The following NIN variants were observed in gnomAD, a reference collection of about 807,000 sequenced individuals.
The protein encoded by NIN is glycogen synthase kinase 3 beta-interacting protein.
NIN carries 137 observed loss-of-function variants against 257.6 expected under a neutral mutation model. The ratio of observed to expected loss-of-function variants is 0.53; its 90% CI spans 0.46 to 0.61. The LOEUF is 0.61. Among genes scored for constraint, NIN ranks in the 20% least tolerant of loss-of-function variants. The pLI, the probability that NIN is intolerant of heterozygous loss-of-function variation, is 0.00. For missense variants in NIN, 2,439 were observed against 2,501.2 expected, an observed-to-expected ratio of 0.98 and a Z score of 0.53; for synonymous variants, 918 against 919.8, an observed-to-expected ratio of 1.00 and a Z score of 0.04.
chr14:50,763,835 G>A lies in NIN; in HGVS notation c.1765C>T (p.Pro589Ser), dbSNP rs1379149029. The A allele has an allele frequency of 4.3e-6, 7 of 1,613,886 alleles. No homozygotes were observed. The highest frequency in any genetic ancestry group is 5.9e-6 in the Non-Finnish European group (7 of 1,179,852). Reference sequence around the variant, plus strand: ...GTCCGAATGTGTTTACCGTGTTCGGGCTCAATGCCACCGCTGTTAGCCTCA... The same window carrying A: ...GTCCGAATGTGTTTACCGTGTTCGGACTCAATGCCACCGCTGTTAGCCTCA... Reference protein sequence around the residue: ...EVEANSGGIEPEHGLGSEECN... With the variant: ...EVEANSGGIESEHGLGSEECN... Residue 589 changes from proline to serine, a missense_variant, in exon 15 of 31, where the codon CCC becomes TCC. Transcript: ENST00000530997.
intron 21 of NIN, 104 bp downstream of exon 21, chr14:50,752,414 G>C (rs1196069555): frequency 8.1e-6 from 7 of 861,890 alleles, no homozygotes; most frequent in Non-Finnish European, 1.1e-5. Context: ...GGACCATACT[G>C]TTTTAATTAC....
intron 5 of NIN, among the ~76,000 whole-genome samples, chr14:50,788,988 T>C (rs1330838746): frequency 6.6e-6 from 1 of 152,082 alleles, no homozygotes; most frequent in Non-Finnish European, 1.5e-5. Context: ...CAGGGGAAAC[T>C]GAAGTCCAAA....
intron 5 of NIN, among the ~76,000 whole-genome samples, chr14:50,782,372 C>A (rs984079341): frequency 6.6e-6 from 1 of 151,920 alleles, no homozygotes; most frequent in African/African-American, 2.4e-5. Context: ...GTATTGAAAA[C>A]AATTTAAATA....
intron 20 of NIN, among the ~76,000 whole-genome samples, chr14:50,753,632 T>G (rs1340243015): frequency 6.6e-6 from 1 of 152,240 alleles, no homozygotes; most frequent in Non-Finnish European, 1.5e-5. Flanking sequence ...GAAGTAGGAT[T>G]GCTGGGTTAG....
chr14:50,739,054 A>T (rs1049094410), intron 26 of NIN, among the ~76,000 whole-genome samples: 6 of 152,200 alleles, frequency 3.9e-5, no homozygotes, highest in African/African-American at 1.4e-4. Flanking sequence ...AATTTCCATG[A>T]GTCTATATTT....
At chr14:50,793,239 CAA>C (rs747039802) in intron 4 of NIN, among the ~76,000 whole-genome samples, 2 of 152,092 alleles carry the variant, frequency 1.3e-5, no homozygotes, top group East Asian at 1.9e-4. Context: ...ATCATATTAA[CAA>C]AGAGACACCT....
At chr14:50,756,445 TGA>T (rs779549201) in intron 18 of NIN, 45 bp downstream of exon 18, 3 of 1,530,326 alleles carry the variant, frequency 2.0e-6, no homozygotes, top group Non-Finnish European at 2.6e-6. Context: ...TTAGATCTGG[TGA>T]GGTGCTCTGT....
chr14:50,761,697 C>T, intron 16 of NIN, 93 bp downstream of exon 16: 1 of 1,428,304 alleles, frequency 7.0e-7, no homozygotes, highest in Non-Finnish European at 9.7e-7. Flanking sequence ...GAATGTGCTG[C>T]TCTATGAGAA....
At chr14:50,734,734 C>CA (rs2140413555) in intron 28 of NIN, among the ~76,000 whole-genome samples, 1 of 152,182 alleles carries the variant, frequency 6.6e-6, no homozygotes, top group African/African-American at 2.4e-5. Context: ...AGCTGGAGTG[C>CA]AGTGGTGTGA....
rs1266256173 is a variant in NIN, at chr14:50,770,931, C to T, written c.1180G>A (p.Glu394Lys). The T allele has an allele frequency of 6.8e-6, 11 of 1,614,202 alleles. No individual in the cohort carries two copies. Among genetic ancestry groups the T allele is most frequent in the East Asian group, 2.2e-5 (1 of 44,888 alleles). ...EKLRSDLDKA[E>K]KLKSLMASEV... is the part of the protein sequence containing the mutation. ...GAGGCCATTAAAGACTTGAGCTTCT[C>T]GGCCTTGTCCAGATCTGACCGTAGC... Residue 394 changes from glutamate (E) to lysine (K), a missense_variant, in exon 11 of 31, where the codon GAG becomes AAG. Physicochemically the swap from Glu to Lys is moderately conservative, Grantham distance 56 (BLOSUM62 1). Coordinates refer to ENST00000530997, the MANE Select transcript of NIN (RefSeq NM_020921.4).
rs763207943 is a variant in NIN, at chr14:50,756,984, TC to T, written c.4045del (p.Glu1349LysfsTer4). 6.2e-7 allele frequency: 1 copy of T among 1,613,174 alleles called. No homozygotes were observed. Among genetic ancestry groups the T allele is most frequent in the East Asian group, 2.2e-5 (1 of 44,876 alleles). ...VVQRCDCCLW[E>X]ASLENLEIEP... is the part of the protein sequence containing the mutation. ...GATTTCCAGGTTCTCTAAACTGGCTTCCCATAAGCAGCAGTCACACCGCTGG... is the reference window on the plus strand; with the variant it reads ...GATTTCCAGGTTCTCTAAACTGGCTTCCATAAGCAGCAGTCACACCGCTGG... On this transcript the variant is annotated frameshift_variant, in exon 18 of 31. Transcript: ENST00000530997. LOFTEE classifies it high-confidence loss of function.
intron 21 of NIN, among the ~76,000 whole-genome samples, chr14:50,751,162 C>A (rs2041772586): frequency 6.6e-6 from 1 of 152,166 alleles, no homozygotes; most frequent in Non-Finnish European, 1.5e-5. Context: ...ATGTATTCAC[C>A]TACTCTCCTA....
At chr14:50,736,520 A>G (rs1196544722) in intron 27 of NIN, among the ~76,000 whole-genome samples, 2 of 152,168 alleles carry the variant, frequency 1.3e-5, no homozygotes, top group Non-Finnish European at 2.9e-5. Flanking sequence ...AAAAACATAC[A>G]ACACTATCTT....
At position 50,720,289 on chromosome 14, in the gene NIN, A is replaced by C; in HGVS notation, c.*3174T>G. The C allele has an allele frequency of 4.5e-6, 1 of 221,694 alleles. No individual in the cohort carries two copies. The highest frequency in any genetic ancestry group is 9.0e-6 in the Non-Finnish European group (1 of 110,884). The allele number at this position is 221,694 out of a possible 1,614,324, so 13.7% of individuals were successfully genotyped here. On this transcript the variant is annotated 3_prime_UTR_variant, in exon 31 of 31. Coordinates refer to ENST00000530997, the MANE Select transcript of NIN (RefSeq NM_020921.4). ...ACATGACTTGCTTAATACTATCACA[A>C]AGCACTTAGCCTTGCCTTGACTGGA...
rs550316370 is a variant in NIN, at chr14:50,730,453, G to A, written c.5878-730C>T. The stretch of plus-strand genomic sequence containing the variant: ...CAGGCCACCTCACATCTATACACAC[G>A]CGGAGCATGCAACAAACATTACCAA... On this transcript the variant is annotated intron_variant, in intron 28 of 30. Coordinates refer to ENST00000530997, the MANE Select transcript of NIN (RefSeq NM_020921.4). 2.0e-3 allele frequency among the ~76,000 whole-genome samples: 304 copies of A among 152,220 alleles called. 1 individual carries two copies. The Middle Eastern group carries it at 0.037, about 19-fold the overall frequency.
intron 25 of NIN, among the ~76,000 whole-genome samples, chr14:50,740,069 A>G (rs547616046): frequency 3.3e-5 from 5 of 152,346 alleles, no homozygotes; most frequent in African/African-American, 1.2e-4. Flanking sequence ...AAAATGATTT[A>G]AAAAATTAAA....
chr14:50,771,310 G>A (rs761199040), intron 10 of NIN, 22 bp downstream of exon 10: 23 of 1,611,980 alleles, frequency 1.4e-5, no homozygotes. Flanking sequence ...AATGGGGCAG[G>A]CGAACCTTCT....
intron 5 of NIN, among the ~76,000 whole-genome samples, chr14:50,785,608 T>C (rs1209287210): frequency 2.0e-5 from 3 of 152,242 alleles, no homozygotes; most frequent in Non-Finnish European, 2.9e-5. Flanking sequence ...GAGCAGCACA[T>C]GTAGCTAAGC....
In NIN at chr14:50,760,227, C is replaced by T; in HGVS notation, c.2029G>A (p.Ala677Thr). ...KQISDLKNEI[A>T]ELQGQAAVLK... is the part of the protein sequence containing the mutation. ...ACTGCTGCTTGCCCCTGAAGTTCAG[C>T]AATTTCATTTTTAAGGTCACTTATT... The change falls in exon 17 of 31, where the codon GCT (alanine) becomes ACT (threonine). Residue 677 changes from alanine (A) to threonine (T), a missense_variant. This residue lies in a region of NIN where 2,043 missense variants were observed against 2,050.2 expected (regional missense o/e 1.00). Transcript: ENST00000530997. 1 of 1,613,548 alleles carries T rather than the reference C, an allele frequency of 6.2e-7. No individual in the cohort carries two copies. Among genetic ancestry groups the T allele is most frequent in the Non-Finnish European group, 8.5e-7 (1 of 1,180,048 alleles).
Sources: gnomAD v4.1 joint callset for allele counts (sites outside exome capture counted in the v4.1 genomes callset) on GRCh38, gnomAD v4.1.1 for gene constraint, gnomAD v4.1.1 regional missense constraint, MANE v1.5 for transcripts, NCBI Gene and HGNC (gene_info 2026-07-23, HGNC 2026-07-21) for gene names.